Variants in NLGN1 observed in about 807,000 individuals in gnomAD.
NLGN1 encodes neuroligin-1.
Under a neutral mutation model 65.5 loss-of-function variants are expected in NLGN1, and 12 were observed. The observed-to-expected ratio is 0.18, with a 90% CI of 0.12 to 0.30. NLGN1 has a LOEUF of 0.30. Ranked by LOEUF, NLGN1 falls within the 10% of genes least tolerant of loss-of-function variation. NLGN1 has a pLI of 1.00. For synonymous variants in NLGN1, 350 were observed against 359.5 expected, an observed-to-expected ratio of 0.97 and a Z score of 0.30; for missense variants, 750 against 1,007.1, an observed-to-expected ratio of 0.74 and a Z score of 3.46.
intron 4 of NLGN1, among the ~76,000 whole-genome samples, chr3:173,939,020 A>G (rs752544398): frequency 6.6e-6 from 1 of 152,216 alleles, no homozygotes; most frequent in African/African-American, 2.4e-5. Context: ...TGAAAAAAAT[A>G]TTTTAAAGTA....
At chr3:173,957,053 T>C (rs1712250677) in intron 4 of NLGN1, among the ~76,000 whole-genome samples, 1 of 152,106 alleles carries the variant, frequency 6.6e-6, no homozygotes, top group African/African-American at 2.4e-5. Context: ...AATAGAGATA[T>C]ATCTACAGAA....
At chr3:174,111,928 T>C (rs905448592) in intron 4 of NLGN1, among the ~76,000 whole-genome samples, 4 of 151,902 alleles carry the variant, frequency 2.6e-5, no homozygotes, top group African/African-American at 9.7e-5. Context: ...GCTAAACATA[T>C]CGACTCTTGG....
intron 3 of NLGN1, among the ~76,000 whole-genome samples, chr3:173,622,159 C>T (rs941527161): frequency 6.6e-6 from 1 of 152,056 alleles, no homozygotes; most frequent in Non-Finnish European, 1.5e-5. Flanking sequence ...AAAGGCTACC[C>T]ACTGCCATAG....
chr3:174,019,570 T>C (rs895522485), intron 4 of NLGN1, among the ~76,000 whole-genome samples: 2 of 152,166 alleles, frequency 1.3e-5, no homozygotes, highest in African/African-American at 4.8e-5. Flanking sequence ...ATATCATATT[T>C]TGTTGCAAGT....
chr3:173,488,911 T>G (rs1728606898), intron 2 of NLGN1, among the ~76,000 whole-genome samples: 1 of 151,802 alleles, frequency 6.6e-6, no homozygotes, highest in Admixed American at 6.6e-5. Flanking sequence ...TCTTTTTTTT[T>G]TTAATTTCTA....
chr3:173,676,221 A>G (rs1207101605), intron 3 of NLGN1, among the ~76,000 whole-genome samples: 1 of 152,146 alleles, frequency 6.6e-6, no homozygotes, highest in Non-Finnish European at 1.5e-5. Flanking sequence ...CTTGTTTTCT[A>G]AACAGCCAGA....
At chr3:174,139,625 TA>T (rs1391273640) in intron 4 of NLGN1, among the ~76,000 whole-genome samples, 3 of 152,050 alleles carry the variant, frequency 2.0e-5, no homozygotes, top group Admixed American at 2.0e-4. Context: ...TTTGGATAAA[TA>T]AAAAGGGGAA....
chr3:173,520,689 G>A (rs769673631), intron 2 of NLGN1, among the ~76,000 whole-genome samples: 2 of 152,162 alleles, frequency 1.3e-5, no homozygotes, highest in Non-Finnish European at 2.9e-5. Context: ...ATATAATCTG[G>A]CTTGGAGACT....
chr3:173,574,062 CAA>C (rs1192427397), intron 2 of NLGN1, among the ~76,000 whole-genome samples: 66 of 51,914 alleles, frequency 1.3e-3, no homozygotes, highest in African/African-American at 4.4e-3. Flanking sequence ...GACTCCACCT[CAA>C]AAAAAAAAAA....
At chr3:173,441,454 T>C (rs1719187166) in intron 2 of NLGN1, among the ~76,000 whole-genome samples, 1 of 152,188 alleles carries the variant, frequency 6.6e-6, no homozygotes. Flanking sequence ...TATATGTGAC[T>C]CTCCTTTCAC....
chr3:173,904,609 T>C (rs1023788551), intron 4 of NLGN1, among the ~76,000 whole-genome samples: 2 of 152,040 alleles, frequency 1.3e-5, no homozygotes, highest in Admixed American at 1.3e-4. Flanking sequence ...GAGGAGGATA[T>C]GGAATAATAT....
chr3:173,686,148 T>TA (rs1441758259), intron 3 of NLGN1, among the ~76,000 whole-genome samples: 1 of 152,172 alleles, frequency 6.6e-6, no homozygotes, highest in Non-Finnish European at 1.5e-5. Context: ...TTTCATAGCA[T>TA]AATCTCAGCA....
intron 4 of NLGN1, among the ~76,000 whole-genome samples, chr3:173,940,263 A>AT (rs1219730604): frequency 1.3e-4 from 19 of 151,536 alleles, no homozygotes; most frequent in Non-Finnish European, 2.9e-5. Flanking sequence ...TAATTTTTGT[A>AT]TTTTTAGGAG....
intron 3 of NLGN1, among the ~76,000 whole-genome samples, chr3:173,607,255 C>T (rs1261542031): frequency 1.3e-5 from 2 of 151,814 alleles, no homozygotes; most frequent in African/African-American, 4.8e-5. Context: ...ATGCTATTTA[C>T]CTTCACAAAC....
intron 4 of NLGN1, among the ~76,000 whole-genome samples, chr3:174,015,375 C>T (rs1047939528): frequency 2.0e-5 from 3 of 152,084 alleles, no homozygotes; most frequent in African/African-American, 4.8e-5. Flanking sequence ...CCTCTCTTTC[C>T]GGCTTACAGA....
At chr3:173,816,602 T>G (rs1719087702) in intron 4 of NLGN1, among the ~76,000 whole-genome samples, 1 of 152,250 alleles carries the variant, frequency 6.6e-6, no homozygotes, top group African/African-American at 2.4e-5. Context: ...TGGCTTTCCA[T>G]TATTCATGTA....
chr3:173,455,308 G>A (rs750906411), intron 2 of NLGN1, among the ~76,000 whole-genome samples: 7 of 152,052 alleles, frequency 4.6e-5, no homozygotes, highest in East Asian at 1.9e-4. Context: ...CTTTTAAACC[G>A]TGAAATCTCA....
intron 4 of NLGN1, among the ~76,000 whole-genome samples, chr3:174,259,086 C>T (rs541234793): frequency 6.6e-6 from 1 of 152,166 alleles, no homozygotes; most frequent in South Asian, 2.1e-4. Flanking sequence ...CCTAGTCATT[C>T]ATTAGGGGGA....
intron 2 of NLGN1, among the ~76,000 whole-genome samples, chr3:173,567,279 A>G (rs1220867328): frequency 6.6e-6 from 1 of 152,144 alleles, no homozygotes; most frequent in African/African-American, 2.4e-5. Flanking sequence ...AAGAACCCTC[A>G]TTTGAAGTTA....
Sources: gnomAD v4.1 joint callset for allele counts (sites outside exome capture counted in the v4.1 genomes callset) on GRCh38, gnomAD v4.1.1 for gene constraint, MANE v1.5 for transcripts, NCBI Gene and HGNC (gene_info 2026-07-23, HGNC 2026-07-21) for gene names.